ARHGAP12: variants seen among roughly 807,000 people sequenced by gnomAD.
ARHGAP12 encodes rho GTPase-activating protein 12.
In ARHGAP12, 64 loss-of-function variants were observed where a neutral mutation model predicts 108.6. That is an observed-to-expected ratio of 0.59 (90% CI 0.48 to 0.73). The LOEUF is 0.73. ARHGAP12 is among the 30% of genes least tolerant of loss of function. ARHGAP12 has a pLI of 0.00. For missense variants in ARHGAP12, 940 were observed against 1,005.9 expected (o/e 0.93, Z 0.89); for synonymous variants, 312 against 337.2 (o/e 0.93, Z 0.82).
chr10:31,889,082 T>G (rs1000503996), intron 3 of ARHGAP12, among the ~76,000 whole-genome samples: 1 of 152,170 alleles, frequency 6.6e-6, no homozygotes, highest in African/African-American at 2.4e-5. Context: ...GCTAATTATT[T>G]TGTATCTTTA....
At chr10:31,883,370 T>C (rs1386385094) in intron 3 of ARHGAP12, among the ~76,000 whole-genome samples, 1 of 152,242 alleles carries the variant, frequency 6.6e-6, no homozygotes, top group Non-Finnish European at 1.5e-5. Flanking sequence ...CAAATTTTAG[T>C]TCAACTAACT....
In ARHGAP12 at chr10:31,908,384, T is replaced by G; in HGVS notation, c.472A>C (p.Lys158Gln). ...LSLDLTHNNG[K>Q]FNNDSHSPKV... is the part of the protein sequence containing the mutation. The stretch of plus-strand genomic sequence containing the variant: ...GGAGAATGTGAGTCATTGTTAAACT[T>G]TCCGTTATTATGGGTCAGGTCCAGG... The change falls in exon 3 of 20, where the codon AAG (lysine) becomes CAG (glutamine). Residue 158 changes from lysine to glutamine, a missense_variant. Physicochemically the swap from Lys to Gln is moderately conservative, Grantham distance 53. Coordinates refer to ENST00000344936, the MANE Select transcript of ARHGAP12 (RefSeq NM_018287.7). The G allele has an allele frequency of 6.2e-7, 1 of 1,614,206 alleles. No individual in the cohort carries two copies. Among genetic ancestry groups the G allele is most frequent in the Non-Finnish European group, 8.5e-7 (1 of 1,180,026 alleles).
intron 3 of ARHGAP12, among the ~76,000 whole-genome samples, chr10:31,896,204 A>G (rs1199014580): frequency 2.0e-5 from 3 of 151,760 alleles, no homozygotes; most frequent in African/African-American, 7.3e-5. Flanking sequence ...AAACCTGCAC[A>G]TTGTGCAGAT....
At chr10:31,835,538 G>A (rs1258595372) in intron 9 of ARHGAP12, among the ~76,000 whole-genome samples, 1 of 152,084 alleles carries the variant, frequency 6.6e-6, no homozygotes, top group Non-Finnish European at 1.5e-5. Context: ...AGGTAATCTG[G>A]GGAAAATTTC....
intron 6 of ARHGAP12, among the ~76,000 whole-genome samples, chr10:31,850,870 AGT>A (rs1836651226): frequency 6.6e-6 from 1 of 152,210 alleles, no homozygotes; most frequent in South Asian, 2.1e-4. Context: ...ACATTCTAAA[AGT>A]ATAAATTAAT....
At chr10:31,848,849 G>A (rs1836564012) in intron 6 of ARHGAP12, among the ~76,000 whole-genome samples, 1 of 152,112 alleles carries the variant, frequency 6.6e-6, no homozygotes, top group African/African-American at 2.4e-5. Context: ...GAGGTGGGCA[G>A]ATCACAAGGT....
In ARHGAP12 at chr10:31,819,225, C is replaced by T. The variant is rs796279836; in HGVS notation, c.1632+1162G>A. Among the ~76,000 whole-genome samples, 32 of 152,076 alleles carry T rather than the reference C, an allele frequency of 2.1e-4. 1 individual carries two copies. The highest frequency in any genetic ancestry group is 4.8e-4 in the African/African-American group (20 of 41,498). ...CTTGGAAGAAAGGGAGCATTTGGCACGGAGAGATTGGCATGGGTTGGTGCT... is the reference window on the plus strand; with the variant it reads ...CTTGGAAGAAAGGGAGCATTTGGCATGGAGAGATTGGCATGGGTTGGTGCT... On this transcript the variant is annotated intron_variant, in intron 12 of 19. Transcript: ENST00000344936.
At chr10:31,918,304 C>G (rs1839644254) in intron 1 of ARHGAP12, among the ~76,000 whole-genome samples, 1 of 135,468 alleles carries the variant, frequency 7.4e-6, no homozygotes, top group South Asian at 2.6e-4. Context: ...TATTACTGAT[C>G]ATTAGGGAAA....
In ARHGAP12 at chr10:31,808,726, A is replaced by G. The variant is rs760070815; in HGVS notation, c.2289T>C (p.Ala763=). ...AIKQEPRQRV[A]AVKDLIRQLP... is the part of the protein sequence containing the mutation. ...ACTGTCTGATTAGGTCCTTAACAGC[A>G]GCGACTCGCTGTCTTGGTTCTTGCT... is the stretch of plus-strand genomic sequence containing the variant. The change falls in exon 19 of 20, where the codon GCT becomes GCC. Residue 763 remains alanine, a synonymous_variant. Transcript: ENST00000344936. 3.1e-6 allele frequency: 5 copies of G among 1,613,874 alleles called. No individual in the cohort carries two copies. The South Asian group carries it at 4.4e-5, about 14-fold the overall frequency.
intron 3 of ARHGAP12, among the ~76,000 whole-genome samples, chr10:31,906,762 G>GA (rs1415415197): frequency 6.6e-6 from 1 of 152,076 alleles, no homozygotes; most frequent in Non-Finnish European, 1.5e-5. Flanking sequence ...TGACTGTAAT[G>GA]AAAAAAACAT....
rs1217134992 is a variant in ARHGAP12, at chr10:31,805,541, T to C, written c.*2117A>G. The C allele has an allele frequency of 6.6e-6, 1 of 152,024 alleles. No individual in the cohort carries two copies. The highest frequency in any genetic ancestry group is 2.4e-5 in the African/African-American group (1 of 41,388). The allele number at this position is 152,024 out of a possible 1,614,324, so 9.4% of individuals were successfully genotyped here. On this transcript the variant is annotated 3_prime_UTR_variant, in exon 20 of 20. Transcript: ENST00000344936. ...ACTAGCTTTGTTATTACAAAACAAG[T>C]GAGAATTTTTAATTCACAAAGGATG...
chr10:31,821,882 A>T (rs1045290945), intron 11 of ARHGAP12, among the ~76,000 whole-genome samples: 1 of 152,230 alleles, frequency 6.6e-6, no homozygotes, highest in African/African-American at 2.4e-5. Context: ...TATGTTGGGC[A>T]TAACTTTCTG....
chr10:31,906,386 T>C (rs551449795), intron 3 of ARHGAP12, among the ~76,000 whole-genome samples: 1 of 152,274 alleles, frequency 6.6e-6, no homozygotes, highest in East Asian at 1.9e-4. Context: ...AATTTTTAAA[T>C]GAAGAAACTA....
chr10:31,868,935 AAGT>A (rs950407913), intron 3 of ARHGAP12, among the ~76,000 whole-genome samples: 11 of 152,124 alleles, frequency 7.2e-5, no homozygotes, highest in African/African-American at 2.2e-4. Context: ...ACATATTTTT[AAGT>A]ACTCTATGTG....
At chr10:31,855,123 A>AG (rs1372345166) in intron 4 of ARHGAP12, among the ~76,000 whole-genome samples, 3 of 49,618 alleles carry the variant, frequency 6.0e-5, no homozygotes, top group Non-Finnish European at 1.1e-4. Context: ...AGAGGAAGGG[A>AG]GGGGGAGAAG....
chr10:31,907,791 C>G (rs537334618), intron 3 of ARHGAP12, among the ~76,000 whole-genome samples: 1 of 152,236 alleles, frequency 6.6e-6, no homozygotes, highest in South Asian at 2.1e-4. Context: ...CTGAAGACTT[C>G]TTGGAACCAA....
At chr10:31,824,970 G>GC (rs1193916409) in intron 11 of ARHGAP12, among the ~76,000 whole-genome samples, 9 of 152,162 alleles carry the variant, frequency 5.9e-5, no homozygotes, top group African/African-American at 2.2e-4. Context: ...ACACAAAAGA[G>GC]CCCCACATGT....
intron 1 of ARHGAP12, among the ~76,000 whole-genome samples, chr10:31,919,508 T>A (rs1183783052): frequency 2.0e-5 from 3 of 152,178 alleles, no homozygotes; most frequent in African/African-American, 7.2e-5. Flanking sequence ...AAAGTAGATA[T>A]AGGGCCAGGC....
chr10:31,877,489 CTTGA>C (rs1480570793), intron 3 of ARHGAP12, among the ~76,000 whole-genome samples: 2 of 152,194 alleles, frequency 1.3e-5, no homozygotes, highest in Non-Finnish European at 2.9e-5. Flanking sequence ...CTCCTTCTCA[CTTGA>C]TTGTGTATAA....
Sources: gnomAD v4.1 joint callset for allele counts (sites outside exome capture counted in the v4.1 genomes callset) on GRCh38, gnomAD v4.1.1 for gene constraint, MANE v1.5 for transcripts, NCBI Gene and HGNC (gene_info 2026-07-23, HGNC 2026-07-21) for gene names.